The following GRHL2 variants were observed in gnomAD, a reference collection of about 807,000 sequenced individuals.
GRHL2 encodes grainyhead-like protein 2 homolog.
A neutral mutation model predicts 83.8 loss-of-function variants in GRHL2; 21 were observed. That is an observed-to-expected ratio of 0.25 (90% CI 0.18 to 0.36). The LOEUF is 0.36. Among genes scored for constraint, GRHL2 ranks in the 10% least tolerant of loss-of-function variants. The pLI is 1.00. For missense variants in GRHL2, 623 were observed against 781.8 expected (o/e 0.80, Z 2.42); for synonymous variants, 280 against 278.9 (o/e 1.00, Z -0.04).
intron 1 of GRHL2, among the ~76,000 whole-genome samples, chr8:101,512,221 GA>G: frequency 6.6e-6 from 1 of 152,014 alleles, no homozygotes; most frequent in East Asian, 1.9e-4. Flanking sequence ...AGAGTGAGGA[GA>G]AGGGAAGGGA....
intron 1 of GRHL2, among the ~76,000 whole-genome samples, chr8:101,542,577 T>C (rs1811176968): frequency 6.7e-6 from 1 of 150,008 alleles, no homozygotes; most frequent in Non-Finnish European, 1.5e-5. Flanking sequence ...AAAGAATAAA[T>C]AAATAAAATT....
At chr8:101,592,289 G>A (rs1317285668) in intron 7 of GRHL2, among the ~76,000 whole-genome samples, 1 of 151,808 alleles carries the variant, frequency 6.6e-6, no homozygotes, top group African/African-American at 2.4e-5. Flanking sequence ...ATTTTCAGTA[G>A]AGATGGGGTT....
At chr8:101,506,291 T>A (rs187502528) in intron 1 of GRHL2, among the ~76,000 whole-genome samples, 185 of 152,298 alleles carry the variant, frequency 1.2e-3, no homozygotes, top group African/African-American at 4.3e-3. Context: ...AAATAATATA[T>A]GCTTATGGGG....
chr8:101,676,327 T>C, the GRHL2 span, among the ~76,000 whole-genome samples: 12 of 151,714 alleles, frequency 7.9e-5, no homozygotes, highest in South Asian at 2.5e-3. Flanking sequence ...AAAGGGCTAA[T>C]ATCCAGAATC....
At chr8:101,615,467 C>G (rs182197080) in intron 8 of GRHL2, among the ~76,000 whole-genome samples, 31 of 152,332 alleles carry the variant, frequency 2.0e-4, no homozygotes, top group Admixed American at 1.8e-3. Context: ...TCTCCTCTGG[C>G]TCCTGTAGTT....
intron 1 of GRHL2, among the ~76,000 whole-genome samples, chr8:101,524,799 A>C (rs761247264): frequency 6.6e-5 from 10 of 150,808 alleles, no homozygotes; most frequent in Non-Finnish European, 1.3e-4. Context: ...ACTGGCTTTA[A>C]AAAAAAAATC....
At chr8:101,593,732 T>A (rs190616310) in intron 7 of GRHL2, among the ~76,000 whole-genome samples, 5 of 152,094 alleles carry the variant, frequency 3.3e-5, no homozygotes, top group East Asian at 3.9e-4. Flanking sequence ...TCATCCTGGA[T>A]TAAGGTGGGC....
chr8:101,606,206 ACATAAGC>A (rs1812629941), intron 8 of GRHL2, among the ~76,000 whole-genome samples: 1 of 152,244 alleles, frequency 6.6e-6, no homozygotes, highest in Non-Finnish European at 1.5e-5. Flanking sequence ...GACTACTTAC[ACATAAGC>A]CAATGTTCCT....
At chr8:101,500,766 C>A (rs1400770037) in intron 1 of GRHL2, among the ~76,000 whole-genome samples, 3 of 152,090 alleles carry the variant, frequency 2.0e-5, no homozygotes, top group Non-Finnish European at 4.4e-5. Context: ...TCACCTTGGC[C>A]TCCCAAAGTG....
chr8:101,540,800 T>A (rs562116455), intron 1 of GRHL2, among the ~76,000 whole-genome samples: 2 of 152,214 alleles, frequency 1.3e-5, no homozygotes, highest in African/African-American at 4.8e-5. Context: ...AGTCTTTTTT[T>A]ATTTTCCATT....
intron 1 of GRHL2, among the ~76,000 whole-genome samples, chr8:101,524,633 AATTTCATCTT>A (rs1375589072): frequency 6.6e-6 from 1 of 152,178 alleles, no homozygotes; most frequent in Non-Finnish European, 1.5e-5. Flanking sequence ...ATAGTCTTTA[AATTTCATCTT>A]CTTTGCTGTT....
chr8:101,577,281 CT>C (rs1789427259), intron 6 of GRHL2, 126 bp from the exon 7 acceptor site: 15 of 710,398 alleles, frequency 2.1e-5, no homozygotes, highest in Non-Finnish European at 2.6e-5. Context: ...CCAAGCTTGT[CT>C]GGGCTTTTCT....
rs778087703 is a variant in GRHL2, at chr8:101,558,446, G to A, written c.312G>A (p.Gln104=). The A allele has an allele frequency of 6.2e-7, 1 of 1,614,192 alleles. No individual in the cohort carries two copies. The highest frequency in any genetic ancestry group is 1.1e-5 in the South Asian group (1 of 91,072). ...ACTGCCTTGGCACCAGTGAAGCCCA[G>A]AGTAATTTGAGTGGAGGAGAAAACC... ...KRNCLGTSEA[Q]SNLSGGENRV... is the part of the protein sequence containing the mutation. The change falls in exon 4 of 16, where the codon CAG becomes CAA. Residue 104 remains glutamine, a synonymous_variant. Coordinates refer to ENST00000646743, the MANE Select transcript of GRHL2 (RefSeq NM_024915.4).
intron 2 of GRHL2, among the ~76,000 whole-genome samples, chr8:101,550,321 C>G (rs1038576361): frequency 2.6e-5 from 4 of 151,954 alleles, no homozygotes; most frequent in African/African-American, 9.7e-5. Flanking sequence ...GGCATAGGAC[C>G]CAAAAGATAG....
chr8:101,541,919 C>T (rs1414627401), intron 1 of GRHL2, among the ~76,000 whole-genome samples: 1 of 152,162 alleles, frequency 6.6e-6, no homozygotes, highest in Non-Finnish European at 1.5e-5. Context: ...GTATAGACTC[C>T]CTCACTTTCC....
At chr8:101,580,472 C>G (rs1234269289) in intron 7 of GRHL2, among the ~76,000 whole-genome samples, 1 of 152,186 alleles carries the variant, frequency 6.6e-6, no homozygotes, top group Admixed American at 6.5e-5. Context: ...GTCACTCTTC[C>G]CAGCCAGGGT....
In GRHL2 at chr8:101,667,049, G is replaced by A. The variant is rs1814081470; in HGVS notation, c.*346G>A. On this transcript the variant is annotated 3_prime_UTR_variant, in exon 16 of 16. Transcript: ENST00000646743. ...AGACCGTCCAGCGTTCCCCCTTCAA[G>A]AGAAACACTCATCCCGAACAGCCTA... 3 of 381,410 alleles carry A rather than the reference G, an allele frequency of 7.9e-6. No individual in the cohort carries two copies. Among genetic ancestry groups the A allele is most frequent in the South Asian group, 5.9e-5 (2 of 33,896 alleles). The allele number at this position is 381,410 out of a possible 1,614,324, so 23.6% of individuals were successfully genotyped here.
intron 1 of GRHL2, among the ~76,000 whole-genome samples, chr8:101,515,228 G>T (rs559811785): frequency 7.1e-6 from 1 of 141,108 alleles, no homozygotes; most frequent in Non-Finnish European, 1.6e-5. Flanking sequence ...TATATATGAG[G>T]TTGGGGTGTG....
chr8:101,553,470 C>T (rs531965148), intron 3 of GRHL2, among the ~76,000 whole-genome samples: 1 of 152,288 alleles, frequency 6.6e-6, no homozygotes, highest in African/African-American at 2.4e-5. Context: ...TGTACCCATT[C>T]AGTCCCAGGC....
Sources: allele counts gnomAD v4.1 joint callset (sites outside exome capture counted in the v4.1 genomes callset), GRCh38; gene constraint gnomAD v4.1.1; transcripts MANE v1.5; gene names NCBI Gene and HGNC (gene_info 2026-07-23, HGNC 2026-07-21).